Variants in CDH18 observed in about 807,000 individuals in gnomAD.
CDH18 encodes cadherin 18.
A neutral mutation model predicts 67.9 loss-of-function variants in CDH18; 31 were observed. That is an observed-to-expected ratio of 0.46 (90% CI 0.34 to 0.62). The LOEUF is 0.62. CDH18 is among the 20% of genes least tolerant of loss of function. The pLI, the probability that CDH18 is intolerant of heterozygous loss-of-function variation, is 0.01. For synonymous variants in CDH18, 362 were observed against 347.2 expected (o/e 1.04, Z -0.48); for missense variants, 890 against 975.5 (o/e 0.91, Z 1.17).
At chr5:19,720,704 T>C (rs910166444) in intron 5 of CDH18, among the ~76,000 whole-genome samples, 2 of 152,202 alleles carry the variant, frequency 1.3e-5, no homozygotes, top group African/African-American at 4.8e-5. Flanking sequence ...ATTGACATAA[T>C]ATGTTTTGGC....
At chr5:20,491,083 A>T (rs562875227) in intron 1 of CDH18, among the ~76,000 whole-genome samples, 1 of 152,176 alleles carries the variant, frequency 6.6e-6, no homozygotes, top group South Asian at 2.1e-4. Context: ...CTAAAAGCAT[A>T]CATTATATTT....
chr5:20,347,629 G>T (rs989211526), intron 1 of CDH18, among the ~76,000 whole-genome samples: 1 of 152,210 alleles, frequency 6.6e-6, no homozygotes, highest in Non-Finnish European at 1.5e-5. Context: ...TTAGGGGCAG[G>T]CACAATTCAT....
intron 1 of CDH18, among the ~76,000 whole-genome samples, chr5:20,360,568 C>T (rs1423297338): frequency 1.3e-5 from 2 of 152,152 alleles, no homozygotes; most frequent in African/African-American, 2.4e-5. Context: ...TAATGCCTCC[C>T]TGATCTGGGT....
intron 3 of CDH18, among the ~76,000 whole-genome samples, chr5:19,819,782 C>T (rs1465009464): frequency 5.3e-5 from 8 of 152,150 alleles, no homozygotes; most frequent in Non-Finnish European, 1.0e-4. Flanking sequence ...GTGGCTCTGG[C>T]TCCTGTGAAT....
chr5:19,591,085 G>T lies in CDH18; in HGVS notation c.971C>A (p.Thr324Asn). Residue 324 changes from threonine to asparagine, a missense_variant, in exon 7 of 13, where the codon ACC becomes AAC. Physicochemically the swap from Thr to Asn is moderately conservative, Grantham distance 65. This residue lies in a region of CDH18 where 656 missense variants were observed against 668.1 expected (regional missense o/e 0.98). Coordinates refer to ENST00000382275, the MANE Select transcript of CDH18 (RefSeq NM_004934.5). ...CTTTAAAGAAAGGATTCCTTCTCTG[G>T]TCTCTTTGTCAGTGGAGATTGAGAA... The part of the protein sequence containing the change: ...GIFSISTDKE[T>N]REGILSLKKP... The T allele has an allele frequency of 6.2e-7, 1 of 1,602,040 alleles. No homozygotes were observed. Among genetic ancestry groups the T allele is most frequent in the Non-Finnish European group, 8.5e-7 (1 of 1,174,096 alleles).
At chr5:19,892,607 T>A (rs1018737977) in intron 2 of CDH18, among the ~76,000 whole-genome samples, 1 of 152,096 alleles carries the variant, frequency 6.6e-6, no homozygotes, top group African/African-American at 2.4e-5. Flanking sequence ...CCAATAAGAA[T>A]ATTGTAGAAA....
chr5:20,105,907 G>A (rs1746891096), intron 2 of CDH18, among the ~76,000 whole-genome samples: 1 of 152,142 alleles, frequency 6.6e-6, no homozygotes. Flanking sequence ...GAGTCTGAGG[G>A]CATTTTTAAT....
rs868382744 is a variant in CDH18 at position 20,553,720 on chromosome 5, G to T, written c.-580+21742C>A. Among the ~76,000 whole-genome samples, 7 of 152,180 alleles carry T rather than the reference G, an allele frequency of 4.6e-5. No individual in the cohort carries two copies. The Middle Eastern group carries it at 0.014, about 298-fold the overall frequency. ...TTAATTTAATTGTGGCCTTTAAGTT[G>T]CACATATCATAAGACTGAACAACAT... On this transcript the variant is annotated intron_variant, in intron 1 of 14. Coordinates refer to the CDH18 transcript ENST00000507958.
chr5:20,403,500 C>A (rs1050158001), intron 1 of CDH18, among the ~76,000 whole-genome samples: 1 of 152,136 alleles, frequency 6.6e-6, no homozygotes, highest in African/African-American at 2.4e-5. Context: ...TGTCAATAGA[C>A]ATGAAAACAA....
At chr5:20,303,202 G>A (rs1245420713) in intron 1 of CDH18, among the ~76,000 whole-genome samples, 1 of 152,092 alleles carries the variant, frequency 6.6e-6, no homozygotes, top group Admixed American at 6.6e-5. Flanking sequence ...ATGTCTATGA[G>A]CATCTTCTTT....
At chr5:20,345,611 T>A (rs888587742) in intron 1 of CDH18, among the ~76,000 whole-genome samples, 1 of 152,138 alleles carries the variant, frequency 6.6e-6, no homozygotes, top group Admixed American at 6.6e-5. Context: ...ATTAGTTTTT[T>A]AAATAATATG....
chr5:20,356,753 C>CTCTATATATA (rs1228584814), intron 1 of CDH18, among the ~76,000 whole-genome samples: 1 of 121,552 alleles, frequency 8.2e-6, no homozygotes, highest in African/African-American at 3.1e-5. Flanking sequence ...CTCTCTCTCT[C>CTCTATATATA]TATATATATA....
chr5:20,028,355 T>A (rs1235315141), intron 2 of CDH18, among the ~76,000 whole-genome samples: 1 of 152,146 alleles, frequency 6.6e-6, no homozygotes, highest in Non-Finnish European at 1.5e-5. Flanking sequence ...ACACCGAAAT[T>A]TCTTGGATCA....
At chr5:19,490,475 T>C (rs1335023027) in intron 11 of CDH18, among the ~76,000 whole-genome samples, 1 of 130,674 alleles carries the variant, frequency 7.7e-6, no homozygotes, top group African/African-American at 2.9e-5. Flanking sequence ...AGTGCAGTGG[T>C]GCGATCTTGG....
chr5:19,999,941 T>C (rs1736312383), intron 2 of CDH18, among the ~76,000 whole-genome samples: 1 of 152,188 alleles, frequency 6.6e-6, no homozygotes, highest in South Asian at 2.1e-4. Flanking sequence ...TTAAGTTCCA[T>C]CTCAAGTTCT....
At chr5:20,520,835 A>G (rs369321691) in intron 1 of CDH18, among the ~76,000 whole-genome samples, 2 of 152,222 alleles carry the variant, frequency 1.3e-5, no homozygotes, top group African/African-American at 4.8e-5. Context: ...GAAAAGATCT[A>G]AAATAAATAT....
At chr5:20,384,273 A>T (rs1744136091) in intron 1 of CDH18, among the ~76,000 whole-genome samples, 1 of 152,130 alleles carries the variant, frequency 6.6e-6, no homozygotes, top group African/African-American at 2.4e-5. Context: ...AGCGCCTGGA[A>T]ACCAGCATTC....
chr5:19,979,610 G>C (rs1367450529), intron 2 of CDH18, among the ~76,000 whole-genome samples: 2 of 152,094 alleles, frequency 1.3e-5, no homozygotes, highest in African/African-American at 4.8e-5. Flanking sequence ...AGTACTAAAT[G>C]AGAGTTTATG....
chr5:19,722,250 C>T (rs915716990), intron 4 of CDH18, among the ~76,000 whole-genome samples: 6 of 151,832 alleles, frequency 4.0e-5, no homozygotes, highest in Non-Finnish European at 7.4e-5. Context: ...AACAGGGTTT[C>T]GCCATGTTGG....
Sources: allele counts gnomAD v4.1 joint callset (sites outside exome capture counted in the v4.1 genomes callset), GRCh38; gene constraint gnomAD v4.1.1; regional missense constraint gnomAD v4.1.1; transcripts MANE v1.5; gene names NCBI Gene and HGNC (gene_info 2026-07-23, HGNC 2026-07-21).